The following TMEM38A variants were observed in gnomAD, a reference collection of about 807,000 sequenced individuals.
TMEM38A encodes the protein trimeric intracellular cation channel type A.
TMEM38A carries 17 observed loss-of-function variants against 28.6 expected under a neutral mutation model. The observed-to-expected ratio is 0.60, with a 90% CI of 0.41 to 0.89. The LOEUF is 0.89. Among genes scored for constraint, TMEM38A ranks in the 40% least tolerant of loss-of-function variants. TMEM38A has a pLI of 0.00. For synonymous variants in TMEM38A, 169 were observed against 166.1 expected (o/e 1.02, Z -0.14); for missense variants, 328 against 393.1 (o/e 0.83, Z 1.40).
chr19:16,686,527 G>T, intron 5 of TMEM38A, 122 bp downstream of exon 5: 2 of 748,568 alleles, frequency 2.7e-6, no homozygotes, highest in South Asian at 3.1e-5. Flanking sequence ...AGCCCAGAGA[G>T]GGGAGATGCT....
chr19:16,674,389 CAA>C (rs535347473), intron 1 of TMEM38A, among the ~76,000 whole-genome samples: 2,958 of 87,124 alleles, frequency 0.034, 112 homozygotes, highest in African/African-American at 0.089. Flanking sequence ...CTCTTGTCTC[CAA>C]AAAAAAAAAA....
Position 16,670,264 on chromosome 19 carries a change from G to A in TMEM38A, c.124+8923G>A, listed in dbSNP as rs970459108. On this transcript the variant is annotated intron_variant, in intron 1 of 5. Transcript: ENST00000187762. ...ATTACAGGCATCAGCCACTGCGCCC[G>A]GCCTGTTTTTTGTTTTTTTTTTTTT... Among the ~76,000 whole-genome samples, 4 of 145,622 alleles carry A rather than the reference G, an allele frequency of 2.7e-5. No homozygotes were observed. The South Asian group carries it at 6.4e-4, about 23-fold the overall frequency.
intron 1 of TMEM38A, among the ~76,000 whole-genome samples, chr19:16,667,619 G>A (rs1010484770): frequency 2.0e-5 from 3 of 152,092 alleles, no homozygotes; most frequent in Non-Finnish European, 4.4e-5. Context: ...CACTTTGGGA[G>A]GCCAAGGCGG....
chr19:16,675,459 C>A (rs759003542), intron 1 of TMEM38A, among the ~76,000 whole-genome samples: 1 of 151,640 alleles, frequency 6.6e-6, no homozygotes, highest in Non-Finnish European at 1.5e-5. Context: ...GTCTGGAACT[C>A]CTAGGCTCAA....
At chr19:16,684,875 C>CAA (rs35283603) in intron 4 of TMEM38A, among the ~76,000 whole-genome samples, 670 of 66,132 alleles carry the variant, frequency 0.01, 7 homozygotes, top group African/African-American at 0.029. Flanking sequence ...TCCATCTCTA[C>CAA]AAAAAAAAAA....
Position 16,661,941 on chromosome 19 carries a change from C to G in TMEM38A, c.124+600C>G, listed in dbSNP as rs563797948. ...CCTGGCTCCAGATCCTTTCCACTTA[C>G]GGAGCAGAACCGGCCCCAAGGCTGG... On this transcript the variant is annotated intron_variant, in intron 1 of 5. Coordinates refer to ENST00000187762, the MANE Select transcript of TMEM38A (RefSeq NM_024074.4). This position sits in a 1 kb window ranked among gnomAD's most constrained non-coding sequence, Gnocchi z 6.5. Among the ~76,000 whole-genome samples, 1 of 152,086 alleles carries G rather than the reference C, an allele frequency of 6.6e-6. No homozygotes were observed. The highest frequency in any genetic ancestry group is 1.9e-4 in the East Asian group (1 of 5,192).
intron 1 of TMEM38A, among the ~76,000 whole-genome samples, chr19:16,675,905 G>A (rs1428826223): frequency 2.6e-5 from 4 of 151,976 alleles, no homozygotes; most frequent in African/African-American, 9.7e-5. Flanking sequence ...CCAAAGGCCC[G>A]ACCTCCTAAT....
intron 1 of TMEM38A, among the ~76,000 whole-genome samples, chr19:16,672,945 G>A (rs1426094408): frequency 6.6e-6 from 1 of 152,170 alleles, no homozygotes; most frequent in African/African-American, 2.4e-5. Flanking sequence ...GTGGAAGCCA[G>A]GGATGCTGCT....
At chr19:16,676,204 C>T (rs2086750524) in intron 1 of TMEM38A, among the ~76,000 whole-genome samples, 3 of 136,220 alleles carry the variant, frequency 2.2e-5, no homozygotes, top group African/African-American at 1.1e-4. Context: ...ACTAAAATTA[C>T]AAAAAATTGG....
intron 1 of TMEM38A, among the ~76,000 whole-genome samples, chr19:16,673,232 C>T (rs1301805344): frequency 2.6e-5 from 4 of 152,116 alleles, no homozygotes; most frequent in Non-Finnish European, 5.9e-5. Flanking sequence ...CAGGCACCTG[C>T]CACCATGCCT....
At chr19:16,668,304 G>A (rs1415000698) in intron 1 of TMEM38A, among the ~76,000 whole-genome samples, 1 of 149,998 alleles carries the variant, frequency 6.7e-6, no homozygotes, top group Non-Finnish European at 1.5e-5. Flanking sequence ...CAGCAAGTTG[G>A]GACACCAAGG....
chr19:16,673,070 T>TTTTGTTTG (rs762139122), intron 1 of TMEM38A, among the ~76,000 whole-genome samples: 14 of 151,880 alleles, frequency 9.2e-5, no homozygotes, highest in African/African-American at 3.4e-4. Context: ...TTCTTTTTCT[T>TTTTGTTTG]TTTGTTTGTT....
At chr19:16,667,783 C>T (rs866946763) in intron 1 of TMEM38A, among the ~76,000 whole-genome samples, 10 of 150,730 alleles carry the variant, frequency 6.6e-5, no homozygotes, top group East Asian at 2.0e-4. Flanking sequence ...TGCTTGAACG[C>T]GGGAGGTGGA....
chr19:16,663,164 C>A (rs2086689396), intron 1 of TMEM38A, among the ~76,000 whole-genome samples: 1 of 151,862 alleles, frequency 6.6e-6, no homozygotes, highest in Non-Finnish European at 1.5e-5. Context: ...GCTTGTAATC[C>A]TAGCTGCTTG....
chr19:16,687,930 G>A (rs1297368689), intron 5 of TMEM38A, among the ~76,000 whole-genome samples: 1 of 152,150 alleles, frequency 6.6e-6, no homozygotes, highest in Admixed American at 6.5e-5. Flanking sequence ...CTTTCCAGGG[G>A]TCAACACTTG....
At chr19:16,664,163 T>A (rs1335923526) in intron 1 of TMEM38A, among the ~76,000 whole-genome samples, 6 of 151,940 alleles carry the variant, frequency 3.9e-5, no homozygotes, top group African/African-American at 1.2e-4. Flanking sequence ...ATGCCTGTAA[T>A]CCCAGCACTT....
intron 1 of TMEM38A, among the ~76,000 whole-genome samples, chr19:16,663,163 C>A (rs905188526): frequency 6.6e-6 from 1 of 151,808 alleles, no homozygotes; most frequent in African/African-American, 2.4e-5. Context: ...TGCTTGTAAT[C>A]CTAGCTGCTT....
At chr19:16,682,384 G>A in intron 3 of TMEM38A, 37 bp from the exon 4 acceptor site, 2 of 1,559,474 alleles carry the variant, frequency 1.3e-6, no homozygotes, top group Non-Finnish European at 8.8e-7. Flanking sequence ...GGAGACCTGG[G>A]GGTGGTGGGC....
chr19:16,680,304 G>A (rs1014096392), intron 2 of TMEM38A, 93 bp from the exon 3 acceptor site: 102 of 1,520,390 alleles, frequency 6.7e-5, no homozygotes, highest in Admixed American at 5.4e-4. Context: ...GGCACAGCAC[G>A]TTGGGGAGGG....
Sources: allele counts gnomAD v4.1 joint callset (sites outside exome capture counted in the v4.1 genomes callset), GRCh38; gene constraint gnomAD v4.1.1; non-coding constraint Gnocchi (gnomAD v3.1); transcripts MANE v1.5; gene names NCBI Gene and HGNC (gene_info 2026-07-23, HGNC 2026-07-21).